Variants in CTNND2 observed in about 807,000 individuals in gnomAD.
The protein encoded by CTNND2 is catenin delta-2.
A neutral mutation model predicts 144.4 loss-of-function variants in CTNND2; 22 were observed. The observed-to-expected ratio is 0.15, with a 90% confidence interval of 0.11 to 0.22. CTNND2 has a LOEUF of 0.22. Among genes scored for constraint, CTNND2 ranks in the 10% least tolerant of loss-of-function variants. The pLI, the probability that CTNND2 is intolerant of heterozygous loss-of-function variation, is 1.00. For synonymous variants in CTNND2, 751 were observed against 695.6 expected (o/e 1.08, Z -1.25); for missense variants, 1,353 against 1,618.8 (o/e 0.84, Z 2.82).
chr5:11,018,825 C>T (rs777214307), intron 17 of CTNND2, among the ~76,000 whole-genome samples: 2 of 151,804 alleles, frequency 1.3e-5, no homozygotes, highest in Non-Finnish European at 2.9e-5. Flanking sequence ...ATTCTCCTTC[C>T]TCAGCCTCCT....
chr5:11,430,309 T>TA (rs1160697397), intron 3 of CTNND2, among the ~76,000 whole-genome samples: 3 of 99,642 alleles, frequency 3.0e-5, no homozygotes, highest in Non-Finnish European at 4.1e-5. Flanking sequence ...AGAGTTAGTA[T>TA]AAAAAACATA....
At chr5:11,032,840 G>A (rs1441411727) in intron 16 of CTNND2, among the ~76,000 whole-genome samples, 1 of 152,218 alleles carries the variant, frequency 6.6e-6, no homozygotes, top group African/African-American at 2.4e-5. Flanking sequence ...ATTAATGATT[G>A]CTAGGAGTTT....
intron 12 of CTNND2, among the ~76,000 whole-genome samples, chr5:11,156,854 A>T (rs1431244029): frequency 6.6e-6 from 1 of 152,224 alleles, no homozygotes; most frequent in African/African-American, 2.4e-5. Context: ...ACTGGCATTT[A>T]AAAGCCAAAT....
chr5:11,620,527 C>T lies in CTNND2; in HGVS notation c.175-55471G>A, dbSNP rs1286683190. On this transcript the variant is annotated intron_variant, in intron 2 of 21. Transcript: ENST00000304623. ...CAAATAAAGGCGCTTGCCCACATTTCCCCTTTGCTCCCTCTGCCTCCTGAC... is the reference window on the plus strand; with the variant it reads ...CAAATAAAGGCGCTTGCCCACATTTTCCCTTTGCTCCCTCTGCCTCCTGAC... Among the ~76,000 whole-genome samples, 15 of 152,312 alleles carry T rather than the reference C, an allele frequency of 9.8e-5. 1 individual carries two copies. Among genetic ancestry groups the T allele is most frequent in the Admixed American group, 8.5e-4 (13 of 15,298 alleles).
chr5:11,603,140 C>T (rs1469312222), intron 2 of CTNND2, among the ~76,000 whole-genome samples: 1 of 152,058 alleles, frequency 6.6e-6, no homozygotes, highest in African/African-American at 2.4e-5. Context: ...ACTGTTGACC[C>T]TTTATGCCTC....
chr5:11,834,476 T>A (rs1050043064), intron 1 of CTNND2, among the ~76,000 whole-genome samples: 6 of 152,218 alleles, frequency 3.9e-5, no homozygotes, highest in African/African-American at 1.4e-4. Context: ...ATGAATATGT[T>A]AATTAACTTG....
chr5:11,281,820 T>A (rs1265002671), intron 9 of CTNND2, among the ~76,000 whole-genome samples: 1 of 152,196 alleles, frequency 6.6e-6, no homozygotes, highest in Non-Finnish European at 1.5e-5. Flanking sequence ...CACTGCCTCA[T>A]CTTAACTTAA....
intron 3 of CTNND2, among the ~76,000 whole-genome samples, chr5:11,480,644 ATATGTGTGTG>A (rs1298593904): frequency 7.2e-6 from 1 of 138,024 alleles, no homozygotes; most frequent in Non-Finnish European, 1.6e-5. Flanking sequence ...GAAAATACAT[ATATGTGTGTG>A]TGTGTGTGTG....
chr5:11,738,116 T>A (rs148988028), intron 1 of CTNND2, among the ~76,000 whole-genome samples: 7 of 152,294 alleles, frequency 4.6e-5, no homozygotes, highest in Non-Finnish European at 1.0e-4. Flanking sequence ...TGGTAACACC[T>A]TCATCTAAAA....
chr5:11,659,692 A>G (rs920518156), intron 2 of CTNND2, among the ~76,000 whole-genome samples: 5 of 152,148 alleles, frequency 3.3e-5, no homozygotes, highest in African/African-American at 1.2e-4. Context: ...AACTATGATC[A>G]GGGCCACTGT....
intron 18 of CTNND2, among the ~76,000 whole-genome samples, chr5:10,996,673 G>A (rs766945653): frequency 1.4e-4 from 21 of 152,080 alleles, no homozygotes; most frequent in Admixed American, 5.9e-4. Flanking sequence ...ATCTTGGCTC[G>A]CTGCAAACTC....
intron 9 of CTNND2, among the ~76,000 whole-genome samples, chr5:11,282,769 T>A (rs1747293616): frequency 6.6e-6 from 1 of 152,250 alleles, no homozygotes; most frequent in Non-Finnish European, 1.5e-5. Flanking sequence ...GTAAGTGCAA[T>A]GCTTTTAAAT....
chr5:11,175,965 C>A (rs192464015), intron 11 of CTNND2, among the ~76,000 whole-genome samples: 1 of 152,152 alleles, frequency 6.6e-6, no homozygotes, highest in African/African-American at 2.4e-5. Context: ...TTTTAATTAA[C>A]CTTCTTCTTA....
chr5:11,153,239 G>A (rs1757911558), intron 12 of CTNND2, among the ~76,000 whole-genome samples: 1 of 152,108 alleles, frequency 6.6e-6, no homozygotes, highest in Non-Finnish European at 1.5e-5. Flanking sequence ...TCTAGCCTGG[G>A]CAACAGAGCA....
At chr5:11,303,342 G>A (rs952280548) in intron 9 of CTNND2, among the ~76,000 whole-genome samples, 4 of 152,180 alleles carry the variant, frequency 2.6e-5, no homozygotes, top group South Asian at 2.1e-4. Context: ...AGCCTAACAC[G>A]GTAGTTATGC....
chr5:11,444,159 T>C (rs1764587555), intron 3 of CTNND2, among the ~76,000 whole-genome samples: 1 of 152,202 alleles, frequency 6.6e-6, no homozygotes, highest in Non-Finnish European at 1.5e-5. Context: ...ATAACTCAAC[T>C]GACTGAATGC....
Position 11,768,944 on chromosome 5 carries a change from T to C in CTNND2, c.38-36672A>G, listed in dbSNP as rs115667775. Among the ~76,000 whole-genome samples the C allele has an allele frequency of 3.8e-3, 579 of 152,294 alleles. 15 individuals carry two copies. The South Asian group carries it at 0.065, about 17-fold the overall frequency. On this transcript the variant is annotated intron_variant, in intron 1 of 21. Transcript: ENST00000304623. ...TAAGAGCTCCCCTCAGTTAACATAA[T>C]CCAGCCCATTTCTCATTAAGGGGAA...
chr5:11,175,054 C>T (rs1760337044), intron 11 of CTNND2, among the ~76,000 whole-genome samples: 1 of 152,192 alleles, frequency 6.6e-6, no homozygotes, highest in East Asian at 1.9e-4. Flanking sequence ...AGGTGACTTT[C>T]CTGAGTTGTG....
intron 21 of CTNND2, among the ~76,000 whole-genome samples, chr5:10,981,354 A>G (rs1266910092): frequency 2.6e-5 from 4 of 152,184 alleles, no homozygotes; most frequent in African/African-American, 9.7e-5. Context: ...TGTCTCCTTT[A>G]TTGGTAGTGA....
Sources: gnomAD v4.1 joint callset for allele counts (sites outside exome capture counted in the v4.1 genomes callset) on GRCh38, gnomAD v4.1.1 for gene constraint, MANE v1.5 for transcripts, NCBI Gene and HGNC (gene_info 2026-07-23, HGNC 2026-07-21) for gene names.